The following ENPP6 variants were observed in gnomAD, a reference collection of about 807,000 sequenced individuals.
ENPP6 encodes glycerophosphocholine cholinephosphodiesterase ENPP6.
A neutral mutation model predicts 42.0 loss-of-function variants in ENPP6; 32 were observed. The observed-to-expected ratio is 0.76, with a 90% CI of 0.58 to 1.02. ENPP6 has a LOEUF of 1.02. ENPP6 is among the 50% of genes least tolerant of loss of function. The pLI, the probability that ENPP6 is intolerant of heterozygous loss-of-function variation, is 0.00. For missense variants in ENPP6, 552 were observed against 566.8 expected, an observed-to-expected ratio of 0.97 and a Z score of 0.27; for synonymous variants, 213 against 216.0, an observed-to-expected ratio of 0.99 and a Z score of 0.12.
At chr4:184,109,820 G>T (rs1418524117) in intron 6 of ENPP6, among the ~76,000 whole-genome samples, 1 of 151,736 alleles carries the variant, frequency 6.6e-6, no homozygotes, top group African/African-American at 2.4e-5. Flanking sequence ...CTAACTGATG[G>T]TCTCACTTCT....
chr4:184,216,374 A>T (rs1300164295), intron 1 of ENPP6, among the ~76,000 whole-genome samples: 1 of 151,974 alleles, frequency 6.6e-6, no homozygotes, highest in Non-Finnish European at 1.5e-5. Context: ...TCTCTCTCTC[A>T]TGCCCTCATT....
At chr4:184,100,081 G>A (rs1579607090) in intron 6 of ENPP6, among the ~76,000 whole-genome samples, 1 of 152,302 alleles carries the variant, frequency 6.6e-6, no homozygotes, top group Middle Eastern at 3.4e-3. Context: ...AAGTGATTTT[G>A]GATCTTTCTA....
At chr4:184,201,117 C>T (rs1284740056) in intron 1 of ENPP6, among the ~76,000 whole-genome samples, 2 of 152,120 alleles carry the variant, frequency 1.3e-5, no homozygotes, top group East Asian at 1.9e-4. Flanking sequence ...AGCACGCGCG[C>T]CCCCAGGACC....
intron 1 of ENPP6, among the ~76,000 whole-genome samples, chr4:184,167,756 A>G (rs1479031789): frequency 1.3e-5 from 2 of 152,200 alleles, no homozygotes; most frequent in African/African-American, 4.8e-5. Context: ...GCAGCCTCTC[A>G]AGTCTCAGGA....
chr4:184,188,702 G>A (rs1489472433), intron 1 of ENPP6, among the ~76,000 whole-genome samples: 1 of 152,114 alleles, frequency 6.6e-6, no homozygotes, highest in African/African-American at 2.4e-5. Context: ...AGTCTTCTGA[G>A]AAAAGATTCA....
chr4:184,120,702 G>C (rs1736401704), intron 3 of ENPP6, among the ~76,000 whole-genome samples: 1 of 152,222 alleles, frequency 6.6e-6, no homozygotes, highest in South Asian at 2.1e-4. Context: ...TGTGTGGGGG[G>C]CACTGCCTGC....
intron 1 of ENPP6, among the ~76,000 whole-genome samples, chr4:184,175,448 T>G (rs1284095458): frequency 6.6e-6 from 1 of 152,156 alleles, no homozygotes; most frequent in East Asian, 1.9e-4. Context: ...ATACCTTCCC[T>G]GCTCTCTTCT....
intron 1 of ENPP6, among the ~76,000 whole-genome samples, chr4:184,196,972 C>T (rs1031018993): frequency 6.6e-6 from 1 of 152,210 alleles, no homozygotes; most frequent in Non-Finnish European, 1.5e-5. Flanking sequence ...AACAGGCAAA[C>T]AGGTGGTTGG....
intron 1 of ENPP6, among the ~76,000 whole-genome samples, chr4:184,197,748 T>C (rs1732826676): frequency 1.3e-5 from 2 of 152,254 alleles, no homozygotes; most frequent in South Asian, 4.1e-4. Context: ...TTTAGTGTTA[T>C]ATCTTACACA....
At chr4:184,170,085 T>C (rs1337785602) in intron 1 of ENPP6, among the ~76,000 whole-genome samples, 1 of 152,238 alleles carries the variant, frequency 6.6e-6, no homozygotes, top group Non-Finnish European at 1.5e-5. Context: ...CAGTCCATAT[T>C]GAGTTTTCCA....
intron 7 of ENPP6, among the ~76,000 whole-genome samples, chr4:184,094,812 G>A (rs965414827): frequency 1.3e-5 from 2 of 152,232 alleles, no homozygotes; most frequent in Admixed American, 1.3e-4. Context: ...GTTCTCCAGG[G>A]CAAGATTAGA....
chr4:184,170,230 G>A (rs984912460), intron 1 of ENPP6, among the ~76,000 whole-genome samples: 1 of 152,194 alleles, frequency 6.6e-6, no homozygotes, highest in Admixed American at 6.5e-5. Flanking sequence ...AGGAGTTTGA[G>A]ACCATACTGG....
chr4:184,180,462 C>G (rs1319702241), intron 1 of ENPP6, among the ~76,000 whole-genome samples: 1 of 152,170 alleles, frequency 6.6e-6, no homozygotes, highest in Non-Finnish European at 1.5e-5. Context: ...TCTCAAGAAA[C>G]TATTCCAAAC....
chr4:184,160,862 T>G (rs1168206822), intron 1 of ENPP6, among the ~76,000 whole-genome samples: 1 of 152,106 alleles, frequency 6.6e-6, no homozygotes, highest in African/African-American at 2.4e-5. Context: ...TGCTCCTATA[T>G]GACAAAAAGG....
rs758138389 is a variant in ENPP6 at position 184,217,682 on chromosome 4, T to C, written c.138A>G (p.Ser46=). The C allele has an allele frequency of 3.1e-6, 5 of 1,614,074 alleles. No homozygotes were observed. The Admixed American group carries it at 6.7e-5, about 22-fold the overall frequency. Residue 46 remains serine, a synonymous_variant, in exon 1 of 8, where the codon TCA becomes TCG. Coordinates refer to ENST00000296741, the MANE Select transcript of ENPP6 (RefSeq NM_153343.4). ...TCACAATCTCTTTGAAACCAGGCAA[T>C]GACTCCAGCGCCTCATCACTGATGT... ...SDYISDEALE[S]LPGFKEIVSR...
intron 1 of ENPP6, among the ~76,000 whole-genome samples, chr4:184,211,550 T>A (rs987721040): frequency 2.0e-5 from 3 of 152,174 alleles, no homozygotes; most frequent in African/African-American, 7.2e-5. Context: ...AGGAATTGAA[T>A]CTCTGAATAG....
At chr4:184,198,466 C>G (rs1732839736) in intron 1 of ENPP6, among the ~76,000 whole-genome samples, 1 of 152,176 alleles carries the variant, frequency 6.6e-6, no homozygotes, top group Non-Finnish European at 1.5e-5. Context: ...AGTCCTGCTT[C>G]TCAGAGGGGC....
In ENPP6 at chr4:184,184,630, C is replaced by T. The variant is rs536291948; in HGVS notation, c.242-30897G>A. Among the ~76,000 whole-genome samples, 10 of 152,166 alleles carry T rather than the reference C, an allele frequency of 6.6e-5. No individual in the cohort carries two copies. The highest frequency in any genetic ancestry group is 3.4e-3 in the Middle Eastern group (1 of 294). ...TAAGTTAAGGGTTTCAGGATGAGGTCGTCCTGGGTGATCCAATGGTCCTGC... is the reference window on the plus strand; with the variant it reads ...TAAGTTAAGGGTTTCAGGATGAGGTTGTCCTGGGTGATCCAATGGTCCTGC... On this transcript the variant is annotated intron_variant, in intron 1 of 7. Coordinates refer to ENST00000296741, the MANE Select transcript of ENPP6 (RefSeq NM_153343.4). The surrounding 1 kb of genome is among the most constrained non-coding windows in gnomAD (Gnocchi z 4.7).
intron 1 of ENPP6, among the ~76,000 whole-genome samples, chr4:184,162,053 G>T (rs72699704): frequency 1.3e-5 from 2 of 151,680 alleles, no homozygotes; most frequent in African/African-American, 2.4e-5. Context: ...GGCATCCAAG[G>T]TATCCCCAGT....
Sources: gnomAD v4.1 joint callset for allele counts (sites outside exome capture counted in the v4.1 genomes callset) on GRCh38, gnomAD v4.1.1 for gene constraint, Gnocchi (gnomAD v3.1) non-coding constraint, MANE v1.5 for transcripts, NCBI Gene and HGNC (gene_info 2026-07-23, HGNC 2026-07-21) for gene names.